RNGTT: variants seen among roughly 807,000 people sequenced by gnomAD.
RNGTT encodes the protein mRNA-capping enzyme.
In RNGTT, 33 loss-of-function variants were observed where a neutral mutation model predicts 79.3. The ratio of observed to expected loss-of-function variants is 0.42; its 90% confidence interval spans 0.32 to 0.56. The LOEUF is 0.56. Ranked by LOEUF, RNGTT falls within the 20% of genes least tolerant of loss-of-function variation. The pLI, the probability that RNGTT is intolerant of heterozygous loss-of-function variation, is 0.17. For synonymous variants in RNGTT, 222 were observed against 235.9 expected (o/e 0.94, Z 0.54); for missense variants, 497 against 739.1 (o/e 0.67, Z 3.80).
chr6:88,773,236 C>T (rs1361151191), intron 12 of RNGTT, among the ~76,000 whole-genome samples: 92 of 148,660 alleles, frequency 6.2e-4, no homozygotes, highest in Non-Finnish European at 1.1e-3. Flanking sequence ...AAACAAACAC[C>T]GCATATTCTC....
intron 11 of RNGTT, among the ~76,000 whole-genome samples, chr6:88,828,617 A>C (rs1457364677): frequency 6.6e-6 from 1 of 152,140 alleles, no homozygotes; most frequent in Non-Finnish European, 1.5e-5. Flanking sequence ...GCATGTTCTA[A>C]CCCAATGCGA....
rs539282627 is a variant in RNGTT, at chr6:88,771,315, GTATATATATATATATATATATA to G, written c.1339-1463_1339-1442del. Among the ~76,000 whole-genome samples the G allele has an allele frequency of 1.4e-4, 9 of 62,076 alleles. No homozygotes were observed. The East Asian group carries it at 3.5e-3, about 24-fold the overall frequency. The allele number at this position is 62,076 out of a possible 152,430, so 40.7% of individuals were successfully genotyped here. A position where few individuals can be genotyped will look rare whatever the true frequency, so the allele number is the denominator to read the frequency against. ...ACTGTATGTATGTATGTGTGTGTGT[GTATATATATATATATATATATA>G]TATATATATATATACACACACACAC... On this transcript the variant is annotated intron_variant, in intron 12 of 15. Transcript: ENST00000369485.
chr6:88,925,292 T>C (rs954765350), intron 4 of RNGTT, among the ~76,000 whole-genome samples: 1 of 152,144 alleles, frequency 6.6e-6, no homozygotes, highest in Non-Finnish European at 1.5e-5. Flanking sequence ...ATAATAAGCA[T>C]TTATTAATAC....
intron 14 of RNGTT, among the ~76,000 whole-genome samples, chr6:88,640,046 T>C (rs977715182): frequency 2.6e-5 from 4 of 152,156 alleles, no homozygotes; most frequent in Non-Finnish European, 5.9e-5. Context: ...TTCCTTATCA[T>C]TGTATTAGTC....
intron 8 of RNGTT, among the ~76,000 whole-genome samples, chr6:88,861,536 C>CT (rs767491006): frequency 7.9e-5 from 12 of 152,058 alleles, no homozygotes; most frequent in South Asian, 6.2e-4. Context: ...TCTTTCAACT[C>CT]TTTTTTTTAA....
intron 11 of RNGTT, among the ~76,000 whole-genome samples, chr6:88,815,340 C>T (rs182891016): frequency 3.4e-4 from 52 of 152,284 alleles, no homozygotes; most frequent in African/African-American, 1.2e-3. Flanking sequence ...ATTCTGCCCA[C>T]GTGTCTCTCC....
At chr6:88,800,936 A>G (rs989087741) in intron 12 of RNGTT, among the ~76,000 whole-genome samples, 60 of 152,198 alleles carry the variant, frequency 3.9e-4, no homozygotes, top group African/African-American at 1.4e-3. Context: ...ACATCCTACC[A>G]TGCACAAGAC....
chr6:88,687,838 G>A lies in RNGTT; in HGVS notation c.1440-9419C>T, dbSNP rs114016350. On this transcript the variant is annotated intron_variant, in intron 13 of 15. Coordinates refer to ENST00000369485, the MANE Select transcript of RNGTT (RefSeq NM_003800.5). ...GTGAAAACAGGTAGAAATCATGGGGGAATAAAAATAGGGCAGCAGGATGAG... is the reference window on the plus strand; with the variant it reads ...GTGAAAACAGGTAGAAATCATGGGGAAATAAAAATAGGGCAGCAGGATGAG... Among the ~76,000 whole-genome samples the A allele has an allele frequency of 6.8e-3, 1,038 of 152,206 alleles. 11 individuals carry two copies. The highest frequency in any genetic ancestry group is 0.023 in the African/African-American group (952 of 41,536).
chr6:88,758,884 A>T (rs552463394), intron 13 of RNGTT, among the ~76,000 whole-genome samples: 22 of 152,140 alleles, frequency 1.4e-4, no homozygotes, highest in East Asian at 1.2e-3. Context: ...TTATTTATTT[A>T]TTTTTTTATT....
At chr6:88,626,310 T>A (rs1012358214) in intron 14 of RNGTT, among the ~76,000 whole-genome samples, 4 of 152,024 alleles carry the variant, frequency 2.6e-5, no homozygotes, top group African/African-American at 4.8e-5. Context: ...TAGGTCTTCA[T>A]GAATCAAAAA....
intron 11 of RNGTT, among the ~76,000 whole-genome samples, chr6:88,830,124 T>C (rs760098355): frequency 5.9e-5 from 9 of 152,116 alleles, no homozygotes; most frequent in Non-Finnish European, 1.3e-4. Flanking sequence ...TATTCTAAAA[T>C]TGAGCACATA....
intron 13 of RNGTT, among the ~76,000 whole-genome samples, chr6:88,743,569 G>A (rs1446515079): frequency 1.3e-5 from 2 of 152,128 alleles, no homozygotes; most frequent in Non-Finnish European, 2.9e-5. Flanking sequence ...GAATCACACA[G>A]TACTTGTCTT....
At chr6:88,665,824 C>T (rs992534124) in intron 14 of RNGTT, among the ~76,000 whole-genome samples, 5 of 152,226 alleles carry the variant, frequency 3.3e-5, no homozygotes, top group Admixed American at 6.5e-5. Context: ...CCTGCTGGGA[C>T]GCCCCATGGC....
intron 1 of RNGTT, among the ~76,000 whole-genome samples, chr6:88,961,481 T>C (rs1785621959): frequency 1.3e-5 from 2 of 152,004 alleles, no homozygotes; most frequent in East Asian, 1.9e-4. Flanking sequence ...CTGTCACCCA[T>C]GCTGGAGTGC....
At position 88,678,399 on chromosome 6, in the gene RNGTT, C is replaced by T. The variant is rs780310642; in HGVS notation, c.1460G>A (p.Gly487Asp). ...GGEGLLPQNVGLLYVGGYERP... is the reference protein window; with the variant it reads ...GGEGLLPQNVDLLYVGGYERP... ...TTCATAACCTCCAACATACAGGAGG[C>T]CAACATTCTGAGGAAGTAACCTACA... Residue 487 changes from glycine to aspartate, a missense_variant, in exon 14 of 16, where the codon GGC becomes GAC. Gly to Asp is a moderately conservative substitution (Grantham distance 94). This residue lies in a region of RNGTT where 440 missense variants were observed against 671.5 expected (regional missense o/e 0.66). Transcript: ENST00000369485. 3.5e-6 allele frequency: 5 copies of T among 1,435,700 alleles called. No individual in the cohort carries two copies. The highest frequency in any genetic ancestry group is 3.7e-6 in the Non-Finnish European group (4 of 1,084,736). 88.9% of individuals were successfully genotyped at this position (1,435,700 alleles called of 1,614,324 possible).
chr6:88,956,108 A>C (rs1460180786), intron 1 of RNGTT, among the ~76,000 whole-genome samples: 1 of 151,762 alleles, frequency 6.6e-6, no homozygotes, highest in Non-Finnish European at 1.5e-5. Context: ...GACCATTAGC[A>C]AGATTAACCA....
chr6:88,853,526 A>C, intron 9 of RNGTT, 103 bp downstream of exon 9: 1 of 775,970 alleles, frequency 1.3e-6, no homozygotes, highest in Non-Finnish European at 2.0e-6. Flanking sequence ...AAAAAAAGTT[A>C]GATTTCATTC....
Position 88,891,858 on chromosome 6 carries a change from G to C in RNGTT, c.742C>G (p.Pro248Ala), listed in dbSNP as rs750823338. Residue 248 changes from proline (P) to alanine (A), a missense_variant, in exon 7 of 16, where the codon CCA becomes GCA. Around this residue, in one of 3 missense-constraint regions of RNGTT, gnomAD observed 440 missense variants for 671.5 expected, o/e 0.66. Coordinates refer to ENST00000369485, the MANE Select transcript of RNGTT (RefSeq NM_003800.5). ...TTCTGCTGTACCTCTCCTAACTTTG[G>C]TTGTGTTGTTACTTGAGTTACACCT... ...VKGVTQVTTQPKLGEVQQKCH... is the reference protein window; with the variant it reads ...VKGVTQVTTQAKLGEVQQKCH... 2.5e-6 allele frequency: 4 copies of C among 1,603,640 alleles called. No individual in the cohort carries two copies. Among genetic ancestry groups the C allele is most frequent in the Non-Finnish European group, 3.4e-6 (4 of 1,175,100 alleles).
At chr6:88,753,454 T>C (rs1352266332) in intron 13 of RNGTT, among the ~76,000 whole-genome samples, 1 of 151,646 alleles carries the variant, frequency 6.6e-6, no homozygotes, top group Non-Finnish European at 1.5e-5. Context: ...CAGTGAGCTG[T>C]GTTCACACCA....
Sources: allele counts gnomAD v4.1 joint callset (sites outside exome capture counted in the v4.1 genomes callset), GRCh38; gene constraint gnomAD v4.1.1; regional missense constraint gnomAD v4.1.1; transcripts MANE v1.5; gene names NCBI Gene and HGNC (gene_info 2026-07-23, HGNC 2026-07-21).